PCDHA6: variants seen among roughly 807,000 people sequenced by gnomAD.
PCDHA6 encodes the protein protocadherin alpha-6.
In PCDHA6, 55 loss-of-function variants were observed where a neutral mutation model predicts 60.3. The ratio of observed to expected loss-of-function variants is 0.91; its 90% CI spans 0.73 to 1.14. The LOEUF is 1.14. Among genes scored for constraint, PCDHA6 ranks in the 50% most tolerant of loss-of-function variants. PCDHA6 has a pLI of 0.00. For synonymous variants in PCDHA6, 652 were observed against 557.9 expected (o/e 1.17, Z -2.38); for missense variants, 1,327 against 1,256.5 (o/e 1.06, Z -0.85).
At chr5:140,926,771 A>G in intron 1 of PCDHA6, 3 of 1,372,492 alleles carry the variant, frequency 2.2e-6, no homozygotes, top group Admixed American at 3.2e-5. Context: ...TCCAGCCCGC[A>G]GCAGTGACGG....
At chr5:140,992,999 C>G (rs1254110475) in intron 3 of PCDHA6, among the ~76,000 whole-genome samples, 4 of 152,188 alleles carry the variant, frequency 2.6e-5, no homozygotes, top group African/African-American at 9.7e-5. Flanking sequence ...CATGAAAGAG[C>G]CTCCCCAGAG....
At chr5:140,925,955 G>A (rs1350124934) in intron 1 of PCDHA6, among the ~76,000 whole-genome samples, 1 of 152,076 alleles carries the variant, frequency 6.6e-6, no homozygotes, top group Non-Finnish European at 1.5e-5. Context: ...AGGAGAAACT[G>A]CTATCACGCA....
intron 1 of PCDHA6, among the ~76,000 whole-genome samples, chr5:140,975,683 G>A (rs1226769029): frequency 2.0e-5 from 3 of 151,934 alleles, no homozygotes; most frequent in Non-Finnish European, 2.9e-5. Context: ...AATAAAATAG[G>A]GTATTTTAAA....
At chr5:140,843,130 C>T (rs2150353538) in intron 1 of PCDHA6, 5 of 1,596,012 alleles carry the variant, frequency 3.1e-6, no homozygotes, top group Non-Finnish European at 4.3e-6. Flanking sequence ...ACTCGGGCTA[C>T]AACGCGTGGC....
chr5:140,869,786 T>C lies in PCDHA6; in HGVS notation c.2394+39301T>C, dbSNP rs1554163459. On this transcript the variant is annotated intron_variant, in intron 1 of 3. Transcript: ENST00000529310. ...CCAGAGCTTACTGGCACCGTTCGGC[T>C]GTTAGTCCAAGTCTTGGATGTCAAC... 1.9e-6 allele frequency: 3 copies of C among 1,612,992 alleles called. No homozygotes were observed. The East Asian group carries it at 6.7e-5, about 36-fold the overall frequency.
At position 140,946,316 on chromosome 5, in the gene PCDHA6, G is replaced by C. The variant is rs1293160526; in HGVS notation, c.2395-32633G>C. ...CACACCTGGTAGAATGGCTATTATTGAAAGAGGAAAGATAACAAGTGATGG... is the reference window on the plus strand; with the variant it reads ...CACACCTGGTAGAATGGCTATTATTCAAAGAGGAAAGATAACAAGTGATGG... On this transcript the variant is annotated intron_variant, in intron 1 of 3. Transcript: ENST00000529310. Among the ~76,000 whole-genome samples, 3 of 151,662 alleles carry C rather than the reference G, an allele frequency of 2.0e-5. No individual in the cohort carries two copies. In the East Asian group the frequency reaches 5.8e-4, roughly 29 times the overall value.
chr5:140,836,548 G>C (rs2150263673), intron 1 of PCDHA6: 1 of 1,613,752 alleles, frequency 6.2e-7, no homozygotes, highest in South Asian at 1.1e-5. Flanking sequence ...ACGGCGTTGC[G>C]GTGCTCAGCG....
At chr5:140,849,732 C>T (rs2150447355) in intron 1 of PCDHA6, 6 of 1,598,488 alleles carry the variant, frequency 3.8e-6, no homozygotes, top group Non-Finnish European at 5.1e-6. Flanking sequence ...GGACAGAGCT[C>T]TGGACCGCGA....
chr5:140,867,619 C>T (rs1554161426), intron 1 of PCDHA6: 3 of 152,174 alleles, frequency 2.0e-5, no homozygotes, highest in South Asian at 4.1e-4. Flanking sequence ...AACTATAGAA[C>T]AAAATATTTA....
In PCDHA6 at chr5:141,007,395, CAAAAAAAAA is replaced by C. The variant is rs35800918; in HGVS notation, c.2543-2217_2543-2209del. 1.6e-4 allele frequency among the ~76,000 whole-genome samples: 15 copies of C among 94,844 alleles called. No individual in the cohort carries two copies. The East Asian group carries it at 2.4e-3, about 15-fold the overall frequency. The allele number at this position is 94,844 out of a possible 152,430, so 62.2% of individuals were successfully genotyped here. A position where few individuals can be genotyped will look rare whatever the true frequency, so the allele number is the denominator to read the frequency against. On this transcript the variant is annotated intron_variant, in intron 3 of 3. Transcript: ENST00000529310. The stretch of plus-strand genomic sequence containing the variant: ...ATGGAACACCATCTCTACTAAAATA[CAAAAAAAAA>C]AAAAAAAAAAAAAATTAGCCAGGCA...
intron 1 of PCDHA6, chr5:140,849,341 C>G: frequency 7.1e-7 from 1 of 1,407,916 alleles, no homozygotes; most frequent in African/African-American, 1.6e-5. Flanking sequence ...ACTCCTTCTC[C>G]AGTGATGTTT....
At chr5:140,983,720 T>G (rs1563510266) in intron 3 of PCDHA6, among the ~76,000 whole-genome samples, 1 of 152,228 alleles carries the variant, frequency 6.6e-6, no homozygotes, top group Non-Finnish European at 1.5e-5. Context: ...AGCACTTATA[T>G]TCATAACATG....
intron 1 of PCDHA6, chr5:140,876,794 T>G: frequency 6.2e-7 from 1 of 1,614,056 alleles, no homozygotes; most frequent in Non-Finnish European, 8.5e-7. Flanking sequence ...ACGGCTAGAG[T>G]GTCCGTGGAG....
chr5:140,865,376 G>A (rs1554159396), intron 1 of PCDHA6: 1 of 152,162 alleles, frequency 6.6e-6, no homozygotes, highest in African/African-American at 2.4e-5. Context: ...CATGTTATAG[G>A]TAGGGTAAAG....
At chr5:140,995,936 T>C (rs1554254905) in intron 3 of PCDHA6, among the ~76,000 whole-genome samples, 1 of 152,220 alleles carries the variant, frequency 6.6e-6, no homozygotes, top group Non-Finnish European at 1.5e-5. Context: ...AAGTATTAAA[T>C]GACATAATGC....
At chr5:140,836,055 G>T in intron 1 of PCDHA6, 1 of 1,613,604 alleles carries the variant, frequency 6.2e-7, no homozygotes, top group Non-Finnish European at 8.5e-7. Context: ...CGTGCTGGAC[G>T]AGAACGACAA....
rs2150342799 is a variant in PCDHA6 at position 140,842,713 on chromosome 5, G to C, written c.2394+12228G>C. ...CGCAGCCCGAGTACACGGTGTTCGT[G>C]AAGGAGAACAACCCGCCGGGCTGCC... On this transcript the variant is annotated intron_variant, in intron 1 of 3. Coordinates refer to ENST00000529310, the MANE Select transcript of PCDHA6 (RefSeq NM_018909.4). 4.1e-5 allele frequency: 65 copies of C among 1,595,292 alleles called. 3 individuals are homozygous for C. In the Middle Eastern group the frequency reaches 1.3e-3, roughly 31 times the overall value.
intron 1 of PCDHA6, among the ~76,000 whole-genome samples, chr5:140,895,002 A>C (rs1003440406): frequency 6.6e-6 from 1 of 152,030 alleles, no homozygotes; most frequent in Non-Finnish European, 1.5e-5. Flanking sequence ...TACCCTTTTT[A>C]CTTGGACCTT....
intron 1 of PCDHA6, among the ~76,000 whole-genome samples, chr5:140,957,748 G>T (rs2095381433): frequency 6.6e-6 from 1 of 152,080 alleles, no homozygotes; most frequent in South Asian, 2.1e-4. Context: ...GACATGAAAG[G>T]ATGTTCATTA....
Sources: allele counts gnomAD v4.1 joint callset (sites outside exome capture counted in the v4.1 genomes callset), GRCh38; gene constraint gnomAD v4.1.1; transcripts MANE v1.5; gene names NCBI Gene and HGNC (gene_info 2026-07-23, HGNC 2026-07-21).